NKAIN2: variants seen among roughly 807,000 people sequenced by gnomAD.
NKAIN2 encodes the protein sodium/potassium-transporting ATPase subunit beta-1-interacting protein 2.
NKAIN2 carries 14 observed loss-of-function variants against 32.6 expected under a neutral mutation model. That is an observed-to-expected ratio of 0.43 (90% confidence interval 0.28 to 0.67). The LOEUF is 0.67. Among genes scored for constraint, NKAIN2 ranks in the 30% least tolerant of loss-of-function variants. NKAIN2 has a pLI of 0.17. For synonymous variants in NKAIN2, 80 were observed against 87.2 expected, an observed-to-expected ratio of 0.92 and a Z score of 0.46; for missense variants, 198 against 258.3, an observed-to-expected ratio of 0.77 and a Z score of 1.60.
chr6:124,324,921 T>A lies in NKAIN2; in HGVS notation c.193-30346T>A, dbSNP rs1408927344. On this transcript the variant is annotated intron_variant, in intron 2 of 6. Coordinates refer to ENST00000368417, the MANE Select transcript of NKAIN2 (RefSeq NM_001040214.3). ...TTGGTCATAGTGTATTTAATATGTA[T>A]ACATTGCTGAATTTCCTTGGTTAAT... Among the ~76,000 whole-genome samples, 3 of 152,216 alleles carry A rather than the reference T, an allele frequency of 2.0e-5. 1 individual carries two copies. In the East Asian group the frequency reaches 5.8e-4, roughly 29 times the overall value.
intron 3 of NKAIN2, among the ~76,000 whole-genome samples, chr6:124,368,835 T>C (rs1205166479): frequency 6.6e-6 from 1 of 152,146 alleles, no homozygotes; most frequent in African/African-American, 2.4e-5. Context: ...CTATGTGCAG[T>C]TTCCCTTACC....
chr6:123,960,691 A>C (rs1278462217), intron 1 of NKAIN2, among the ~76,000 whole-genome samples: 1 of 151,702 alleles, frequency 6.6e-6, no homozygotes, highest in Non-Finnish European at 1.5e-5. Context: ...TATTAGGTGG[A>C]AGCAGGCCCC....
intron 3 of NKAIN2, among the ~76,000 whole-genome samples, chr6:124,516,550 T>A (rs2114785899): frequency 6.6e-6 from 1 of 152,274 alleles, no homozygotes; most frequent in African/African-American, 2.4e-5. Flanking sequence ...ATCACAAAGT[T>A]CATGTGATTA....
intron 1 of NKAIN2, among the ~76,000 whole-genome samples, chr6:123,957,070 A>G (rs1777626007): frequency 6.6e-6 from 1 of 152,076 alleles, no homozygotes. Flanking sequence ...CTTCTCCATC[A>G]TCATCCTCCA....
chr6:124,050,747 A>G (rs1387437690), intron 1 of NKAIN2, among the ~76,000 whole-genome samples: 1 of 152,030 alleles, frequency 6.6e-6, no homozygotes, highest in Non-Finnish European at 1.5e-5. Context: ...TGTTTACTTC[A>G]ATCCAACAAT....
intron 1 of NKAIN2, among the ~76,000 whole-genome samples, chr6:124,044,312 G>A (rs1782019697): frequency 6.6e-6 from 1 of 151,996 alleles, no homozygotes; most frequent in Admixed American, 6.6e-5. Flanking sequence ...AAAGACGGGA[G>A]TAAAATCCTC....
chr6:124,318,833 T>C (rs1336140928), intron 2 of NKAIN2, among the ~76,000 whole-genome samples: 3 of 152,082 alleles, frequency 2.0e-5, no homozygotes, highest in Non-Finnish European at 4.4e-5. Flanking sequence ...CCATTGCCTC[T>C]CATTTTCAGA....
chr6:124,002,087 T>A (rs1485601018), intron 1 of NKAIN2, among the ~76,000 whole-genome samples: 1 of 151,996 alleles, frequency 6.6e-6, no homozygotes, highest in African/African-American at 2.4e-5. Flanking sequence ...GGAAATATCT[T>A]CATATTTGGC....
intron 1 of NKAIN2, among the ~76,000 whole-genome samples, chr6:123,820,522 G>C (rs1279891091): frequency 6.6e-6 from 1 of 152,102 alleles, no homozygotes; most frequent in Non-Finnish European, 1.5e-5. Context: ...AACAGAGGAG[G>C]GTGTGGTGGA....
chr6:124,351,747 C>T (rs1291416031), intron 2 of NKAIN2, among the ~76,000 whole-genome samples: 1 of 151,716 alleles, frequency 6.6e-6, no homozygotes, highest in African/African-American at 2.4e-5. Flanking sequence ...TCAAGCCTCC[C>T]TAGTAGCTGG....
At chr6:124,155,922 C>T (rs1297788819) in intron 1 of NKAIN2, among the ~76,000 whole-genome samples, 7 of 145,450 alleles carry the variant, frequency 4.8e-5, no homozygotes, top group Non-Finnish European at 7.5e-5. Context: ...ATAGTAACAA[C>T]GGGAAGCCCA....
At chr6:124,476,065 A>AGAGAGTGTGT (rs1487948768) in intron 3 of NKAIN2, among the ~76,000 whole-genome samples, 11 of 132,550 alleles carry the variant, frequency 8.3e-5, no homozygotes, top group African/African-American at 3.2e-4. Flanking sequence ...AGAGAGAGAG[A>AGAGAGTGTGT]GTGTGTGTGT....
chr6:123,919,279 G>T (rs71574839), intron 1 of NKAIN2, among the ~76,000 whole-genome samples: 1 of 151,964 alleles, frequency 6.6e-6, no homozygotes, highest in Non-Finnish European at 1.5e-5. Context: ...GGTTTCTTTT[G>T]TTTGTGTACG....
Position 124,278,020 on chromosome 6 carries a change from T to G in NKAIN2, c.55-4985T>G, listed in dbSNP as rs1043023358. ...CATAAAAATAATATTATAGTAATATTTGGAAGAAAATTTGATTAAGAAATA... is the reference window on the plus strand; with the variant it reads ...CATAAAAATAATATTATAGTAATATGTGGAAGAAAATTTGATTAAGAAATA... On this transcript the variant is annotated intron_variant, in intron 1 of 6. Transcript: ENST00000368417. Among the ~76,000 whole-genome samples, 4 of 152,108 alleles carry G rather than the reference T, an allele frequency of 2.6e-5. No homozygotes were observed. In the East Asian group the frequency reaches 7.7e-4, roughly 29 times the overall value.
At chr6:123,857,425 G>T (rs1246008687) in intron 1 of NKAIN2, among the ~76,000 whole-genome samples, 2 of 152,086 alleles carry the variant, frequency 1.3e-5, no homozygotes, top group African/African-American at 4.8e-5. Flanking sequence ...TTTTCAGATG[G>T]TTCATAATAG....
intron 4 of NKAIN2, among the ~76,000 whole-genome samples, chr6:124,739,929 C>A (rs2114685586): frequency 6.6e-6 from 1 of 151,902 alleles, no homozygotes; most frequent in South Asian, 2.1e-4. Flanking sequence ...CTATGCTGGG[C>A]AGAGAGCAAA....
intron 3 of NKAIN2, among the ~76,000 whole-genome samples, chr6:124,508,341 T>TC (rs1048249196): frequency 8.6e-5 from 13 of 151,448 alleles, no homozygotes; most frequent in Non-Finnish European, 1.9e-4. Context: ...TAGTCTTTTT[T>TC]TTTTCTTTTC....
At chr6:124,052,621 A>G (rs549783812) in intron 1 of NKAIN2, among the ~76,000 whole-genome samples, 113 of 152,208 alleles carry the variant, frequency 7.4e-4, no homozygotes, top group African/African-American at 2.6e-3. Context: ...ACAACAATAT[A>G]AGCTTCACAA....
intron 1 of NKAIN2, among the ~76,000 whole-genome samples, chr6:123,990,037 C>T (rs994110143): frequency 2.6e-5 from 4 of 152,230 alleles, no homozygotes; most frequent in African/African-American, 9.6e-5. Flanking sequence ...GGAGGGAAGG[C>T]AAATAATAAG....
Sources: gnomAD v4.1 joint callset for allele counts (sites outside exome capture counted in the v4.1 genomes callset) on GRCh38, gnomAD v4.1.1 for gene constraint, MANE v1.5 for transcripts, NCBI Gene and HGNC (gene_info 2026-07-23, HGNC 2026-07-21) for gene names.